PLCB1: variants seen among roughly 807,000 people sequenced by gnomAD.
PLCB1 encodes 1-phosphatidylinositol 4,5-bisphosphate phosphodiesterase beta-1.
A neutral mutation model predicts 161.8 loss-of-function variants in PLCB1; 46 were observed. That is an observed-to-expected ratio of 0.28 (90% CI 0.22 to 0.36). PLCB1 has a LOEUF of 0.36. Among genes scored for constraint, PLCB1 ranks in the 10% least tolerant of loss-of-function variants. The pLI, the probability that PLCB1 is intolerant of heterozygous loss-of-function variation, is 1.00. For missense variants in PLCB1, 1,016 were observed against 1,472.5 expected, an observed-to-expected ratio of 0.69 and a Z score of 5.07; for synonymous variants, 517 against 503.7, an observed-to-expected ratio of 1.03 and a Z score of -0.35.
At chr20:8,310,021 GTTTTC>G (rs1177403417) in intron 2 of PLCB1, among the ~76,000 whole-genome samples, 5 of 149,634 alleles carry the variant, frequency 3.3e-5, no homozygotes, top group African/African-American at 1.0e-4. Context: ...AATCTTTAGT[GTTTTC>G]TTTTTTTTTT....
chr20:8,640,492 CA>C (rs1460994006), intron 4 of PLCB1, among the ~76,000 whole-genome samples: 1 of 152,144 alleles, frequency 6.6e-6, no homozygotes, highest in Admixed American at 6.5e-5. Flanking sequence ...GAGGCAGATA[CA>C]ACCAAAGTAA....
In PLCB1 at chr20:8,858,301, G is replaced by A. The variant is rs1433368681; in HGVS notation, c.3424-23321G>A. Among the ~76,000 whole-genome samples, 4 of 152,238 alleles carry A rather than the reference G, an allele frequency of 2.6e-5. No individual in the cohort carries two copies. The East Asian group carries it at 5.8e-4, about 22-fold the overall frequency. On this transcript the variant is annotated intron_variant, in intron 31 of 31. Coordinates refer to ENST00000338037, the MANE Select transcript of PLCB1 (RefSeq NM_015192.4). ...TGTTCATTATGAAATATTTAGGTAT[G>A]GACTTGTCCTCAGTAATAGCATCTA...
In PLCB1 at chr20:8,163,847, C is replaced by T. The variant is rs368249193; in HGVS notation, c.177+13476C>T. 5.3e-5 allele frequency among the ~76,000 whole-genome samples: 8 copies of T among 152,182 alleles called. No individual in the cohort carries two copies. In the South Asian group the frequency reaches 8.3e-4, roughly 16 times the overall value. ...TAGATGTTTGAGTATAAATATCGGG[C>T]CTCTATGGTAACATCCTATACTGGA... On this transcript the variant is annotated intron_variant, in intron 2 of 31. Transcript: ENST00000338037.
chr20:8,280,015 T>C (rs1016566271), intron 2 of PLCB1, among the ~76,000 whole-genome samples: 2 of 152,188 alleles, frequency 1.3e-5, no homozygotes, highest in African/African-American at 4.8e-5. Context: ...TAATGCATTT[T>C]ACATATGTGT....
At chr20:8,638,335 G>A (rs1437094319) in intron 4 of PLCB1, among the ~76,000 whole-genome samples, 1 of 152,066 alleles carries the variant, frequency 6.6e-6, no homozygotes, top group African/African-American at 2.4e-5. Flanking sequence ...TATGTTGCTT[G>A]AGATTGTAGA....
chr20:8,450,359 G>A (rs1981016115), intron 3 of PLCB1, among the ~76,000 whole-genome samples: 1 of 151,978 alleles, frequency 6.6e-6, no homozygotes, highest in Non-Finnish European at 1.5e-5. Flanking sequence ...AATGAACAAA[G>A]CCATCACATA....
chr20:8,360,224 T>C (rs937280381), intron 2 of PLCB1, among the ~76,000 whole-genome samples: 4 of 152,128 alleles, frequency 2.6e-5, no homozygotes, highest in African/African-American at 4.8e-5. Context: ...CACTTCCTGC[T>C]CTCTACACAT....
At chr20:8,628,496 T>C (rs1218848819) in intron 4 of PLCB1, 65 bp downstream of exon 4, 1 of 1,539,710 alleles carries the variant, frequency 6.5e-7, no homozygotes, top group Non-Finnish European at 8.9e-7. Flanking sequence ...ATCATACTAA[T>C]GCCTGCAAAA....
At chr20:8,334,257 G>A (rs987691709) in intron 2 of PLCB1, among the ~76,000 whole-genome samples, 2 of 151,902 alleles carry the variant, frequency 1.3e-5, no homozygotes, top group African/African-American at 4.8e-5. Flanking sequence ...TTTAAAGCTA[G>A]ATCTTTCTGT....
chr20:8,196,205 G>A (rs188766047), intron 2 of PLCB1, among the ~76,000 whole-genome samples: 5 of 152,200 alleles, frequency 3.3e-5, no homozygotes, highest in Admixed American at 3.3e-4. Flanking sequence ...AACCATATCA[G>A]CATTCTTGGC....
At chr20:8,401,910 T>C (rs1978570184) in intron 3 of PLCB1, among the ~76,000 whole-genome samples, 1 of 152,190 alleles carries the variant, frequency 6.6e-6, no homozygotes, top group Non-Finnish European at 1.5e-5. Flanking sequence ...TCATAATGTT[T>C]ACCATAATAT....
chr20:8,828,198 G>A (rs1043847734), intron 31 of PLCB1, among the ~76,000 whole-genome samples: 2 of 152,132 alleles, frequency 1.3e-5, no homozygotes, highest in Non-Finnish European at 2.9e-5. Context: ...GTTGGCAATA[G>A]CCTTTAACAT....
Position 8,186,717 on chromosome 20 carries a change from C to A in PLCB1, c.177+36346C>A, listed in dbSNP as rs149398815. On this transcript the variant is annotated intron_variant, in intron 2 of 31. Coordinates refer to ENST00000338037, the MANE Select transcript of PLCB1 (RefSeq NM_015192.4). ...TGCAAAAACCTTATTAGAGAGAAAACCTGTGCGAGTGAAAAAAGGGAGGCA... is the reference window on the plus strand; with the variant it reads ...TGCAAAAACCTTATTAGAGAGAAAAACTGTGCGAGTGAAAAAAGGGAGGCA... 2.0e-4 allele frequency among the ~76,000 whole-genome samples: 31 copies of A among 152,144 alleles called. No individual in the cohort carries two copies. The East Asian group carries it at 5.6e-3, about 28-fold the overall frequency.
chr20:8,632,330 A>G (rs1248755612), intron 4 of PLCB1, among the ~76,000 whole-genome samples: 1 of 152,214 alleles, frequency 6.6e-6, no homozygotes, highest in East Asian at 1.9e-4. Flanking sequence ...CTTCATCCAT[A>G]AAATGAAGAA....
intron 31 of PLCB1, among the ~76,000 whole-genome samples, chr20:8,806,696 C>T (rs781227969): frequency 1.1e-4 from 16 of 152,062 alleles, no homozygotes; most frequent in Non-Finnish European, 1.3e-4. Flanking sequence ...GGCTTTGCAA[C>T]GGGTCTGCTT....
chr20:8,581,087 T>A (rs1986819190), intron 3 of PLCB1, among the ~76,000 whole-genome samples: 1 of 152,082 alleles, frequency 6.6e-6, no homozygotes, highest in African/African-American at 2.4e-5. Context: ...AATTCATGAG[T>A]CTTAAGCAGA....
At chr20:8,321,156 A>G (rs1984903849) in intron 2 of PLCB1, among the ~76,000 whole-genome samples, 1 of 152,206 alleles carries the variant, frequency 6.6e-6, no homozygotes, top group Non-Finnish European at 1.5e-5. Context: ...TAGTAAGCTA[A>G]TTCTGCAGCA....
intron 3 of PLCB1, among the ~76,000 whole-genome samples, chr20:8,593,058 C>A (rs1987199550): frequency 6.6e-6 from 1 of 152,252 alleles, no homozygotes. Context: ...AGCCTAGATT[C>A]ATCTGATTCC....
chr20:8,595,029 C>T (rs996819430), intron 3 of PLCB1, among the ~76,000 whole-genome samples: 2 of 152,152 alleles, frequency 1.3e-5, no homozygotes, highest in Admixed American at 1.3e-4. Flanking sequence ...GACTACATAA[C>T]ATATGCATCT....
Sources: allele counts gnomAD v4.1 joint callset (sites outside exome capture counted in the v4.1 genomes callset), GRCh38; gene constraint gnomAD v4.1.1; transcripts MANE v1.5; gene names NCBI Gene and HGNC (gene_info 2026-07-23, HGNC 2026-07-21).